Variants in EML5 observed in about 807,000 individuals in gnomAD.
The protein encoded by EML5 is EMAP like 5, also known as echinoderm microtubule-associated protein-like 5.
Under a neutral mutation model 250.0 loss-of-function variants are expected in EML5, and 120 were observed. That is an observed-to-expected ratio of 0.48 (90% CI 0.41 to 0.56). The LOEUF is 0.56. Among genes scored for constraint, EML5 ranks in the 20% least tolerant of loss-of-function variants. The probability of loss-of-function intolerance (pLI) is 0.00; values close to 1 mark genes in which losing one functional copy is unlikely to be tolerated. For missense variants in EML5, 2,006 were observed against 2,437.6 expected (o/e 0.82, Z 3.73); for synonymous variants, 771 against 806.5 (o/e 0.96, Z 0.75).
chr14:88,738,091 G>A (rs1029071084), intron 6 of EML5, among the ~76,000 whole-genome samples: 1 of 152,008 alleles, frequency 6.6e-6, no homozygotes, highest in Non-Finnish European at 1.5e-5. Flanking sequence ...GTGAGGATCA[G>A]ATAAGAAAAA....
At chr14:88,716,903 A>G (rs1423528995) in intron 8 of EML5, among the ~76,000 whole-genome samples, 2 of 152,210 alleles carry the variant, frequency 1.3e-5, no homozygotes, top group East Asian at 1.9e-4. Flanking sequence ...GACGACAACT[A>G]TTAGATGAAA....
chr14:88,620,681 G>A lies in EML5; in HGVS notation c.5375+73C>T, dbSNP rs1054415786. On this transcript the variant is annotated intron_variant, in intron 39 of 43. Coordinates refer to ENST00000554922, the MANE Select transcript of EML5 (RefSeq NM_183387.3). The surrounding 1 kb of genome is among the most constrained non-coding windows in gnomAD (Gnocchi z 4.3). The stretch of plus-strand genomic sequence containing the variant: ...CCTGGGGACCTCTTTTTGAAGGCAA[G>A]GCTATGGAAAATTTTACAAATGGAA... 1.1e-5 allele frequency: 15 copies of A among 1,332,950 alleles called. No homozygotes were observed. The Admixed American group carries it at 4.8e-4, about 43-fold the overall frequency. The allele number at this position is 1,332,950 out of a possible 1,614,324, so 82.6% of individuals were successfully genotyped here. A position where few individuals can be genotyped will look rare whatever the true frequency, so the allele number is the denominator to read the frequency against.
chr14:88,719,672 G>T (rs1170141121), intron 8 of EML5, among the ~76,000 whole-genome samples: 1 of 150,724 alleles, frequency 6.6e-6, no homozygotes, highest in Non-Finnish European at 1.5e-5. Context: ...TATGATATGA[G>T]CTTTTTTTTT....
chr14:88,746,688 G>C (rs1300584064), intron 2 of EML5, among the ~76,000 whole-genome samples: 1 of 152,128 alleles, frequency 6.6e-6, no homozygotes, highest in Non-Finnish European at 1.5e-5. Context: ...TAAAGGCATC[G>C]GGTGAATACT....
intron 2 of EML5, among the ~76,000 whole-genome samples, chr14:88,748,915 A>G (rs958582088): frequency 1.3e-5 from 2 of 152,004 alleles, no homozygotes; most frequent in African/African-American, 4.8e-5. Flanking sequence ...GAATTGACAG[A>G]GCTTCAATGA....
In EML5 at chr14:88,615,409, C is replaced by G. The variant is rs1254943239; in HGVS notation, c.*409G>C. 6.3e-6 allele frequency: 1 copy of G among 158,376 alleles called. No individual in the cohort carries two copies. The highest frequency in any genetic ancestry group is 2.0e-4 in the South Asian group (1 of 4,884). The allele number at this position is 158,376 out of a possible 1,614,324, so 9.8% of individuals were successfully genotyped here. On this transcript the variant is annotated 3_prime_UTR_variant, in exon 44 of 44. Coordinates refer to ENST00000554922, the MANE Select transcript of EML5 (RefSeq NM_183387.3). Reference sequence around the variant, plus strand: ...ATAAAATATTTCATTAAACAATGAACCTTGAAAATAAAATATAAACATTAA... The same window carrying G: ...ATAAAATATTTCATTAAACAATGAAGCTTGAAAATAAAATATAAACATTAA...
intron 10 of EML5, among the ~76,000 whole-genome samples, chr14:88,710,823 C>A (rs927040289): frequency 2.6e-5 from 4 of 152,112 alleles, no homozygotes; most frequent in Non-Finnish European, 5.9e-5. Context: ...TTAGACAAGA[C>A]TAATTTTCTT....
chr14:88,626,945 C>A lies in EML5; in HGVS notation c.4633G>T (p.Val1545Leu), dbSNP rs2090014138. The A allele has an allele frequency of 9.3e-6, 15 of 1,613,966 alleles. No individual in the cohort carries two copies. Among genetic ancestry groups the A allele is most frequent in the Non-Finnish European group, 1.2e-5 (14 of 1,179,868 alleles). The change falls in exon 35 of 44, where the codon GTG becomes TTG. Residue 1545 changes from valine (V) to leucine (L), a missense_variant. Val to Leu is a conservative substitution (Grantham distance 32). This residue lies in a region of EML5 where 405 missense variants were observed against 523.3 expected (regional missense o/e 0.77). Coordinates refer to ENST00000554922, the MANE Select transcript of EML5 (RefSeq NM_183387.3). ...CTTCCTGCCAGGGTCCAGAACTTCACATGTTTTACTCCCACTGAGACAAAC... is the reference window on the plus strand; with the variant it reads ...CTTCCTGCCAGGGTCCAGAACTTCAAATGTTTTACTCCCACTGAGACAAAC... Reference protein sequence around the residue: ...TQFVSVGVKHVKFWTLAGRAL... With the variant: ...TQFVSVGVKHLKFWTLAGRAL...
chr14:88,767,772 C>T (rs1053787412), intron 1 of EML5, among the ~76,000 whole-genome samples: 4 of 152,182 alleles, frequency 2.6e-5, no homozygotes, highest in African/African-American at 9.6e-5. Flanking sequence ...TCTTGTATCC[C>T]TCATCACACT....
chr14:88,689,240 G>T (rs1164185435), intron 17 of EML5, among the ~76,000 whole-genome samples: 2 of 152,150 alleles, frequency 1.3e-5, no homozygotes, highest in South Asian at 2.1e-4. Context: ...GAATGCCTGG[G>T]AGTAGTAATA....
At chr14:88,624,885 G>A in intron 36 of EML5, 85 bp downstream of exon 36, 1 of 1,486,818 alleles carries the variant, frequency 6.7e-7, no homozygotes. Context: ...ACTCTGTGTA[G>A]CCTAGAAACA....
In EML5 at chr14:88,616,725, C is replaced by T. The variant is rs1286677001; in HGVS notation, c.5796+1G>A. 6.2e-7 allele frequency: 1 copy of T among 1,611,088 alleles called. No homozygotes were observed. The highest frequency in any genetic ancestry group is 1.1e-5 in the South Asian group (1 of 90,472). ...TAATAGTAAACAAAACACAAACTTA[C>T]AAATTTTTCTGGACATGGGAAGTCA... On this transcript the variant is annotated splice_donor_variant, in intron 42 of 43. Coordinates refer to ENST00000554922, the MANE Select transcript of EML5 (RefSeq NM_183387.3). LOFTEE classifies it high-confidence loss of function.
At chr14:88,651,217 A>G (rs907808081) in intron 27 of EML5, among the ~76,000 whole-genome samples, 4 of 147,784 alleles carry the variant, frequency 2.7e-5, no homozygotes, top group African/African-American at 7.5e-5. Context: ...ACGGGGGCCA[A>G]CAGACCCTCT....
intron 1 of EML5, among the ~76,000 whole-genome samples, chr14:88,765,815 G>A (rs1215103300): frequency 6.6e-6 from 1 of 152,002 alleles, no homozygotes; most frequent in Non-Finnish European, 1.5e-5. Context: ...CTATTTCTTT[G>A]CTGAGAACTT....
intron 10 of EML5, among the ~76,000 whole-genome samples, chr14:88,709,296 A>C (rs1397501560): frequency 2.6e-5 from 4 of 152,158 alleles, no homozygotes; most frequent in Non-Finnish European, 4.4e-5. Context: ...AAAACACATC[A>C]TTAAGAAAAT....
intron 14 of EML5, among the ~76,000 whole-genome samples, chr14:88,699,166 C>G (rs560406964): frequency 1.3e-5 from 2 of 152,056 alleles, no homozygotes; most frequent in African/African-American, 4.8e-5. Flanking sequence ...TTAAAAGGAG[C>G]AGAAATTAGA....
intron 1 of EML5, among the ~76,000 whole-genome samples, chr14:88,760,279 T>C (rs2094219769): frequency 6.6e-6 from 1 of 152,224 alleles, no homozygotes; most frequent in Non-Finnish European, 1.5e-5. Context: ...TTATAGTTTG[T>C]CTTACATTTA....
At chr14:88,644,934 T>A (rs368062275) in intron 29 of EML5, among the ~76,000 whole-genome samples, 85 of 150,596 alleles carry the variant, frequency 5.6e-4, no homozygotes, top group African/African-American at 2.0e-3. Context: ...CTGGTCTCGA[T>A]CTCCTGACCT....
intron 1 of EML5, among the ~76,000 whole-genome samples, chr14:88,788,529 A>T (rs1595894319): frequency 6.7e-6 from 1 of 149,842 alleles, no homozygotes; most frequent in Non-Finnish European, 1.5e-5. Flanking sequence ...AGACCCTTTC[A>T]CTATGTTAAA....
Sources: gnomAD v4.1 joint callset for allele counts (sites outside exome capture counted in the v4.1 genomes callset) on GRCh38, gnomAD v4.1.1 for gene constraint, gnomAD v4.1.1 regional missense constraint, Gnocchi (gnomAD v3.1) non-coding constraint, MANE v1.5 for transcripts, NCBI Gene and HGNC (gene_info 2026-07-23, HGNC 2026-07-21) for gene names.